The following LPIN1 variants were observed in gnomAD, a reference collection of about 807,000 sequenced individuals.
LPIN1 encodes phosphatidate phosphatase LPIN1.
LPIN1 carries 71 observed loss-of-function variants against 107.5 expected under a neutral mutation model. The observed-to-expected ratio is 0.66, with a 90% CI of 0.55 to 0.80. The LOEUF (loss-of-function observed/expected upper bound fraction) is 0.80, where lower values mean the gene tolerates loss of function less well. LPIN1 is among the 30% of genes least tolerant of loss of function. LPIN1 has a pLI of 0.00. For synonymous variants in LPIN1, 445 were observed against 452.6 expected, an observed-to-expected ratio of 0.98 and a Z score of 0.21; for missense variants, 1,043 against 1,160.6, an observed-to-expected ratio of 0.90 and a Z score of 1.47.
chr2:11,796,063 T>C (rs536615049), intron 14 of LPIN1, among the ~76,000 whole-genome samples: 7 of 152,382 alleles, frequency 4.6e-5, no homozygotes, highest in African/African-American at 1.4e-4. Context: ...CGTTATACAC[T>C]AATTATGATG....
At chr2:11,726,296 C>A (rs1013480767) in intron 1 of LPIN1, among the ~76,000 whole-genome samples, 3 of 152,226 alleles carry the variant, frequency 2.0e-5, no homozygotes, top group Non-Finnish European at 4.4e-5. Flanking sequence ...ACTCCTTAGG[C>A]TGCCATCTGA....
upstream of LPIN1, among the ~76,000 whole-genome samples, chr2:11,742,940 C>T (rs1666520777): frequency 6.6e-6 from 1 of 152,242 alleles, no homozygotes; most frequent in African/African-American, 2.4e-5. Flanking sequence ...TCATTCTGCT[C>T]CTTGACACCT....
intron 1 of LPIN1, among the ~76,000 whole-genome samples, chr2:11,762,104 C>G (rs1341989433): frequency 6.6e-6 from 1 of 152,080 alleles, no homozygotes; most frequent in East Asian, 1.9e-4. Flanking sequence ...CCCATGACCC[C>G]CTCCTCGCGT....
At chr2:11,760,359 G>A (rs578112901) in intron 1 of LPIN1, among the ~76,000 whole-genome samples, 8 of 152,354 alleles carry the variant, frequency 5.3e-5, no homozygotes, top group Admixed American at 2.6e-4. Flanking sequence ...GTAGCGAGCC[G>A]AGATCACGTC....
chr2:11,688,649 G>A (rs989723018), intron 1 of LPIN1, among the ~76,000 whole-genome samples: 2 of 152,222 alleles, frequency 1.3e-5, no homozygotes, highest in Non-Finnish European at 2.9e-5. Flanking sequence ...GCGCGAATCA[G>A]GGCCCCTCGC....
intron 1 of LPIN1, among the ~76,000 whole-genome samples, chr2:11,696,453 C>T (rs1662582821): frequency 6.6e-6 from 1 of 152,030 alleles, no homozygotes; most frequent in African/African-American, 2.4e-5. Flanking sequence ...CACCTCTAGT[C>T]CATAGGTACA....
In LPIN1 at chr2:11,765,446, T is replaced by G. The variant is rs1214701435; in HGVS notation, c.-9-87T>G. The G allele has an allele frequency of 7.8e-7, 1 of 1,286,852 alleles. No homozygotes were observed. The highest frequency in any genetic ancestry group is 1.1e-6 in the Non-Finnish European group (1 of 910,976). The allele number at this position is 1,286,852 out of a possible 1,614,324, so 79.7% of individuals were successfully genotyped here. On this transcript the variant is annotated intron_variant, in intron 1 of 20. Coordinates refer to ENST00000674199, the MANE Select transcript of LPIN1 (RefSeq NM_001349206.2). This position sits in a 1 kb window ranked among gnomAD's most constrained non-coding sequence, Gnocchi z 4.4. ...TGAAAGTTGAGTGTGTAATCCACGTTTTTGAAATGGTGAGGAGTTCATTTT... is the reference window on the plus strand; with the variant it reads ...TGAAAGTTGAGTGTGTAATCCACGTGTTTGAAATGGTGAGGAGTTCATTTT...
At chr2:11,816,811 A>G (rs1680657767) in intron 18 of LPIN1, 1 of 149,794 alleles carries the variant, frequency 6.7e-6, no homozygotes, top group South Asian at 2.1e-4. Context: ...GGTTTTTTAC[A>G]TAGGTATACA....
intron 14 of LPIN1, among the ~76,000 whole-genome samples, chr2:11,801,708 G>T (rs1677770715): frequency 6.6e-6 from 1 of 152,132 alleles, no homozygotes; most frequent in Non-Finnish European, 1.5e-5. Context: ...AATGATTATA[G>T]TTAACGGCAA....
chr2:11,784,424 C>T lies in LPIN1; in HGVS notation c.1359-462C>T, dbSNP rs1014305555. On this transcript the variant is annotated intron_variant, in intron 9 of 20. Transcript: ENST00000674199. ...TACTGGGCGGCGCCCCACCTCTGGA[C>T]AGGGGCGCAGCACCGGGCTGCCCTC... 5.4e-6 allele frequency: 6 copies of T among 1,116,290 alleles called. No homozygotes were observed. The African/African-American group carries it at 8.2e-5, about 15-fold the overall frequency. 69.1% of individuals were successfully genotyped at this position (1,116,290 alleles called of 1,614,324 possible). A position where few individuals can be genotyped will look rare whatever the true frequency, so the allele number is the denominator to read the frequency against.
chr2:11,704,228 A>G (rs1010951666), intron 1 of LPIN1, among the ~76,000 whole-genome samples: 8 of 152,272 alleles, frequency 5.3e-5, no homozygotes, highest in Non-Finnish European at 8.8e-5. Flanking sequence ...GGGGAGGGTT[A>G]TGAGACTTTA....
At chr2:11,688,350 G>A (rs1662109981) in intron 1 of LPIN1, among the ~76,000 whole-genome samples, 1 of 152,174 alleles carries the variant, frequency 6.6e-6, no homozygotes, top group South Asian at 2.1e-4. Flanking sequence ...CCTAGAGGAA[G>A]TAACCTCCCA....
At position 11,787,017 on chromosome 2, in the gene LPIN1, A is replaced by C. The variant is rs1251930889; in HGVS notation, c.1550-57A>C. 5 of 1,242,754 alleles carry C rather than the reference A, an allele frequency of 4.0e-6. No individual in the cohort carries two copies. The South Asian group carries it at 4.8e-5, about 12-fold the overall frequency. 77.0% of individuals were successfully genotyped at this position (1,242,754 alleles called of 1,614,324 possible). On this transcript the variant is annotated intron_variant, in intron 10 of 20. Transcript: ENST00000674199. ...AGTGAGCAAATGAAAGGTAGGCCTA[A>C]TTTTGAACTGAATTTTCTTTTTGTT...
At position 11,776,134 on chromosome 2, in the gene LPIN1, C is replaced by G; in HGVS notation, c.771C>G (p.Ala257=). Residue 257 remains alanine (A), a synonymous_variant, in exon 6 of 21, where the codon GCC becomes GCG. Transcript: ENST00000674199. ...KRTAPHLAVA[A]EGGLSSSCPP... is the part of the protein sequence containing the mutation. ...CTGCCCCTCATCTTGCAGTTGCGGC[C>G]GAGGGAGGTCTGTCTAGTTCTTGCC... is the stretch of plus-strand genomic sequence containing the variant. The G allele has an allele frequency of 6.5e-7, 1 of 1,548,492 alleles. No homozygotes were observed. Among genetic ancestry groups the G allele is most frequent in the Non-Finnish European group, 8.7e-7 (1 of 1,145,660 alleles).
chr2:11,736,673 A>G (rs1252956952), intron 1 of LPIN1, among the ~76,000 whole-genome samples: 1 of 152,266 alleles, frequency 6.6e-6, no homozygotes, highest in African/African-American at 2.4e-5. Context: ...ATACACTGCT[A>G]TGACCTTGCC....
Position 11,779,587 on chromosome 2 carries a change from C to G in LPIN1, c.899C>G (p.Thr300Arg), listed in dbSNP as rs760870238. Residue 300 changes from threonine (T) to arginine (R), a missense_variant, in exon 7 of 21, where the codon ACA becomes AGA. Coordinates refer to ENST00000674199, the MANE Select transcript of LPIN1 (RefSeq NM_001349206.2). ...SELVSKSTERTGQKNPEMLWL... is the reference protein window; with the variant it reads ...SELVSKSTERRGQKNPEMLWL... The stretch of plus-strand genomic sequence containing the variant: ...TTGGTCAGCAAGTCCACGGAAAGGA[C>G]AGGGCAGAAGAACCCAGAAATGCTT... The G allele has an allele frequency of 1.2e-6, 2 of 1,614,126 alleles. No homozygotes were observed. The highest frequency in any genetic ancestry group is 1.7e-6 in the Non-Finnish European group (2 of 1,180,020).
chr2:11,747,663 G>A (rs892182669), intron 1 of LPIN1, among the ~76,000 whole-genome samples: 11 of 152,166 alleles, frequency 7.2e-5, no homozygotes, highest in African/African-American at 2.7e-4. Context: ...TCCGTAATTT[G>A]GGTCTTATTA....
chr2:11,819,358 GAC>G (rs1414622781), intron 18 of LPIN1, 124 bp from the exon 19 acceptor site: 2 of 717,586 alleles, frequency 2.8e-6, no homozygotes, highest in Middle Eastern at 3.0e-4. Context: ...TCAGCTGCCT[GAC>G]ACACACTAAA....
intron 8 of LPIN1, 100 bp from the exon 9 acceptor site, chr2:11,783,729 A>C (rs1380765779): frequency 1.0e-6 from 1 of 997,290 alleles, no homozygotes; most frequent in Non-Finnish European, 1.6e-6. Flanking sequence ...ACCTGGGAGC[A>C]AATCTGCACA....
Sources: gnomAD v4.1 joint callset for allele counts (sites outside exome capture counted in the v4.1 genomes callset) on GRCh38, gnomAD v4.1.1 for gene constraint, Gnocchi (gnomAD v3.1) non-coding constraint, MANE v1.5 for transcripts, NCBI Gene and HGNC (gene_info 2026-07-23, HGNC 2026-07-21) for gene names.